The following ZNF821 variants were observed in gnomAD, a reference collection of about 807,000 sequenced individuals.
ZNF821 encodes the protein zinc finger protein 821.
Under a neutral mutation model 44.3 loss-of-function variants are expected in ZNF821, and 16 were observed. That is an observed-to-expected ratio of 0.36 (90% CI 0.24 to 0.55). The LOEUF (loss-of-function observed/expected upper bound fraction) is 0.55, where lower values mean the gene tolerates loss of function less well. Ranked by LOEUF, ZNF821 falls within the 20% of genes least tolerant of loss-of-function variation. The probability of loss-of-function intolerance (pLI) is 0.86; values close to 1 mark genes in which losing one functional copy is unlikely to be tolerated. For missense variants in ZNF821, 436 were observed against 547.6 expected (o/e 0.80, Z 2.03); for synonymous variants, 204 against 197.6 (o/e 1.03, Z -0.27).
chr16:71,866,096 C>G (rs915022117), intron 4 of ZNF821, among the ~76,000 whole-genome samples: 1 of 152,188 alleles, frequency 6.6e-6, no homozygotes, highest in African/African-American at 2.4e-5. Context: ...CCAGCCCTAT[C>G]TTAACCCCAC....
At chr16:71,891,250 A>G (rs957332685) in intron 1 of ZNF821, among the ~76,000 whole-genome samples, 1 of 152,258 alleles carries the variant, frequency 6.6e-6, no homozygotes, top group Non-Finnish European at 1.5e-5. Context: ...TTACACAAAA[A>G]AAGTACCTGG....
At chr16:71,875,449 T>C (rs538109552) in intron 3 of ZNF821, among the ~76,000 whole-genome samples, 2 of 142,744 alleles carry the variant, frequency 1.4e-5, no homozygotes, top group East Asian at 3.9e-4. Flanking sequence ...GCCCAGCTAA[T>C]TTTTTTCTTT....
intron 4 of ZNF821, 41 bp from the exon 5 acceptor site, chr16:71,865,089 G>C: frequency 6.2e-7 from 1 of 1,613,342 alleles, no homozygotes; most frequent in Non-Finnish European, 8.5e-7. Context: ...ATTTTTGCAT[G>C]AATACATCCT....
intron 1 of ZNF821, chr16:71,891,355 T>TTCTGA (rs2036884289): frequency 6.6e-6 from 1 of 152,250 alleles, no homozygotes; most frequent in Non-Finnish European, 1.5e-5. Flanking sequence ...TATGTTTAGC[T>TTCTGA]TCTGAATGAA....
chr16:71,860,585 G>C lies in ZNF821; in HGVS notation c.672C>G (p.Ala224=), dbSNP rs2033735453. 6.2e-7 allele frequency: 1 copy of C among 1,614,144 alleles called. No individual in the cohort carries two copies. Among genetic ancestry groups the C allele is most frequent in the Non-Finnish European group, 8.5e-7 (1 of 1,180,028 alleles). ...GPSSAEGKDI[A]FSPPVYPAGI... The stretch of plus-strand genomic sequence containing the variant: ...CAGCAGGGTACACTGGAGGACTAAA[G>C]GCAATATCCTTCCCCTCAGCACTGG... Residue 224 remains alanine, a synonymous_variant, in exon 8 of 8, where the codon GCC becomes GCG. Coordinates refer to ENST00000425432, the MANE Select transcript of ZNF821 (RefSeq NM_001201552.2). The surrounding 1 kb of genome is among the most constrained non-coding windows in gnomAD (Gnocchi z 7.3).
intron 3 of ZNF821, among the ~76,000 whole-genome samples, chr16:71,877,984 TTA>T (rs896017851): frequency 2.7e-5 from 4 of 147,318 alleles, no homozygotes; most frequent in Admixed American, 6.8e-5. Context: ...TATATATATT[TTA>T]TATATATATA....
Position 71,860,597 on chromosome 16 carries a change from C to T in ZNF821, c.660G>A (p.Gly220=). ...VHNEGPSSAE[G]KDIAFSPPVY... ...CTGGAGGACTAAAGGCAATATCCTT[C>T]CCCTCAGCACTGGAGGGACCCTCAT... The change falls in exon 8 of 8, where the codon GGG becomes GGA. Residue 220 remains glycine (G), a synonymous_variant. Coordinates refer to ENST00000425432, the MANE Select transcript of ZNF821 (RefSeq NM_001201552.2). This position sits in a 1 kb window ranked among gnomAD's most constrained non-coding sequence, Gnocchi z 7.3. 6.2e-7 allele frequency: 1 copy of T among 1,614,138 alleles called. No homozygotes were observed.
At position 71,861,000 on chromosome 16, in the gene ZNF821, C is replaced by T. The variant is rs917344308; in HGVS notation, c.585-328G>A. ...CCTCCTGAGTAGCTGGGATTACAGG[C>T]GCACGCCACCACGCCCGGCTAATTT... On this transcript the variant is annotated intron_variant, in intron 7 of 7. Coordinates refer to ENST00000425432, the MANE Select transcript of ZNF821 (RefSeq NM_001201552.2). This position sits in a 1 kb window ranked among gnomAD's most constrained non-coding sequence, Gnocchi z 7.3. 1.3e-5 allele frequency among the ~76,000 whole-genome samples: 2 copies of T among 152,078 alleles called. No individual in the cohort carries two copies. Among genetic ancestry groups the T allele is most frequent in the Non-Finnish European group, 2.9e-5 (2 of 68,006 alleles).
At chr16:71,867,864 ATTC>A (rs1567415037) in intron 4 of ZNF821, 45 bp downstream of exon 4, 1 of 1,528,600 alleles carries the variant, frequency 6.5e-7, no homozygotes, top group Non-Finnish European at 8.8e-7. Context: ...CACTCTGATA[ATTC>A]TTCTCCCATT....
chr16:71,860,751 T>A lies in ZNF821; in HGVS notation c.585-79A>T. 20 of 1,457,918 alleles carry A rather than the reference T, an allele frequency of 1.4e-5. No individual in the cohort carries two copies. Among genetic ancestry groups the A allele is most frequent in the South Asian group, 1.1e-4 (8 of 75,304 alleles). The allele number at this position is 1,457,918 out of a possible 1,614,324, so 90.3% of individuals were successfully genotyped here. ...CTCCAGCCCTGCCTTATTCTTTTCC[T>A]ATGAGGCCAGTGGCTCCACGCTCAC... On this transcript the variant is annotated intron_variant, in intron 7 of 7. Transcript: ENST00000425432. This position sits in a 1 kb window ranked among gnomAD's most constrained non-coding sequence, Gnocchi z 7.3.
intron 1 of ZNF821, chr16:71,891,493 G>C (rs1216877320): frequency 6.6e-6 from 1 of 152,224 alleles, no homozygotes; most frequent in Non-Finnish European, 1.5e-5. Context: ...AAATAGACAG[G>C]TAGGTTTTGT....
In ZNF821 at chr16:71,864,151, G is replaced by A. The variant is rs372942106; in HGVS notation, c.404C>T (p.Ala135Val). 1.9e-6 allele frequency: 3 copies of A among 1,614,126 alleles called. No individual in the cohort carries two copies. The highest frequency in any genetic ancestry group is 2.5e-6 in the Non-Finnish European group (3 of 1,179,998). ...CCCCATCCATACCTGGTACACGTGA[G>A]CAATCAACTGCTCCCGGCTCCCGCA... ...LDCGSREQLI[A>V]HVYQHTAAVV... The change falls in exon 6 of 8, where the codon GCT (alanine) becomes GTT (valine). Residue 135 changes from alanine (A) to valine (V), a missense_variant. Physicochemically the swap from Ala to Val is moderately conservative, Grantham distance 64. Coordinates refer to ENST00000425432, the MANE Select transcript of ZNF821 (RefSeq NM_001201552.2).
At chr16:71,881,207 GC>G (rs1362874683) in intron 2 of ZNF821, 1 of 152,166 alleles carries the variant, frequency 6.6e-6, no homozygotes, top group Non-Finnish European at 1.5e-5. Flanking sequence ...ACTACTGCTA[GC>G]TATATTTTGT....
chr16:71,864,700 G>A (rs746447117), intron 5 of ZNF821: 1 of 598,444 alleles, frequency 1.7e-6, no homozygotes. Context: ...CAGGCGCAGC[G>A]ATTCGTGGAT....
chr16:71,894,844 A>G (rs747134156), intron 1 of ZNF821: 66 of 1,534,100 alleles, frequency 4.3e-5, no homozygotes, highest in Non-Finnish European at 5.7e-5. Flanking sequence ...AATGGTTTTC[A>G]AGTTAAAAAC....
In ZNF821 at chr16:71,884,181, A is replaced by G. The variant is rs944450087; in HGVS notation, c.-414T>C. The G allele has an allele frequency of 6.6e-6, 1 of 151,764 alleles. No individual in the cohort carries two copies. Among genetic ancestry groups the G allele is most frequent in the Non-Finnish European group, 1.5e-5 (1 of 67,978 alleles). 9.4% of individuals were successfully genotyped at this position (151,764 alleles called of 1,614,324 possible). A position where few individuals can be genotyped will look rare whatever the true frequency, so the allele number is the denominator to read the frequency against. ...GGCGGCGGGAGCGCGCGGCTCGCGC[A>G]CCCGCAGCTAGTGAGGCGCGTGCAC... On this transcript the variant is annotated 5_prime_UTR_variant, in exon 1 of 8. Transcript: ENST00000425432.
intron 3 of ZNF821, among the ~76,000 whole-genome samples, chr16:71,870,074 T>C (rs1302866165): frequency 6.6e-6 from 1 of 152,216 alleles, no homozygotes; most frequent in African/African-American, 2.4e-5. Flanking sequence ...GTTTCCTTCA[T>C]ACCATGAGAA....
rs370259525 is a variant in ZNF821 at position 71,863,692 on chromosome 16, G to C, written c.417+446C>G. ...GGTGTGAGCCACCACACCTGGCTTT[G>C]GGCTGAATTTTTTTTTTCTTTTTGA... is the stretch of plus-strand genomic sequence containing the variant. On this transcript the variant is annotated intron_variant, in intron 6 of 7. Transcript: ENST00000425432. 7.2e-5 allele frequency among the ~76,000 whole-genome samples: 11 copies of C among 151,768 alleles called. No individual in the cohort carries two copies. The East Asian group carries it at 1.7e-3, about 24-fold the overall frequency.
chr16:71,892,044 G>A (rs1435389843), intron 1 of ZNF821, among the ~76,000 whole-genome samples: 1 of 143,092 alleles, frequency 7.0e-6, no homozygotes, highest in African/African-American at 2.6e-5. Context: ...GGTGGTGGAT[G>A]CCTGTAATCC....
Sources: gnomAD v4.1 joint callset for allele counts (sites outside exome capture counted in the v4.1 genomes callset) on GRCh38, gnomAD v4.1.1 for gene constraint, Gnocchi (gnomAD v3.1) non-coding constraint, MANE v1.5 for transcripts, NCBI Gene and HGNC (gene_info 2026-07-23, HGNC 2026-07-21) for gene names.